CDH13: variants seen among roughly 807,000 people sequenced by gnomAD.
The protein encoded by CDH13 is cadherin 13.
A neutral mutation model predicts 63.8 loss-of-function variants in CDH13; 24 were observed. The ratio of observed to expected loss-of-function variants is 0.38; its 90% CI spans 0.27 to 0.53. CDH13 has a LOEUF of 0.53. Ranked by LOEUF, CDH13 falls within the 20% of genes least tolerant of loss-of-function variation. CDH13 has a pLI of 0.85. For missense variants in CDH13, 1,049 were observed against 903.1 expected, an observed-to-expected ratio of 1.16 and a Z score of -2.07; for synonymous variants, 503 against 355.3, an observed-to-expected ratio of 1.42 and a Z score of -4.67.
chr16:83,441,263 G>C (rs957043574), intron 6 of CDH13, among the ~76,000 whole-genome samples: 9 of 152,062 alleles, frequency 5.9e-5, no homozygotes, highest in Non-Finnish European at 1.2e-4. Flanking sequence ...GTACCACTCT[G>C]GTAATGAAAT....
intron 6 of CDH13, among the ~76,000 whole-genome samples, chr16:83,473,278 A>C (rs2073509786): frequency 6.6e-6 from 1 of 152,248 alleles, no homozygotes; most frequent in African/African-American, 2.4e-5. Flanking sequence ...AGCTTGCAAC[A>C]TCACCATGTT....
At chr16:82,806,077 C>CT (rs2037123654) in intron 1 of CDH13, among the ~76,000 whole-genome samples, 1 of 152,130 alleles carries the variant, frequency 6.6e-6, no homozygotes, top group Non-Finnish European at 1.5e-5. Flanking sequence ...CCCATCTGGT[C>CT]TTCATTTGTT....
chr16:83,189,664 G>T (rs2038636451), intron 4 of CDH13, among the ~76,000 whole-genome samples: 1 of 152,138 alleles, frequency 6.6e-6, no homozygotes. Flanking sequence ...ATCTTCTCCT[G>T]CCACAGACAC....
intron 4 of CDH13, among the ~76,000 whole-genome samples, chr16:83,211,618 TTG>T (rs931495807): frequency 4.4e-4 from 67 of 152,284 alleles, no homozygotes; most frequent in Middle Eastern, 3.4e-3. Context: ...TTTGTCCATA[TTG>T]TGTCACATCT....
intron 11 of CDH13, among the ~76,000 whole-genome samples, chr16:83,777,903 A>G (rs1008548476): frequency 1.3e-5 from 2 of 152,258 alleles, no homozygotes; most frequent in Admixed American, 6.5e-5. Context: ...CATAGGTTAG[A>G]TTAGTACTGT....
chr16:83,107,082 G>T (rs2034805077), intron 3 of CDH13, among the ~76,000 whole-genome samples: 1 of 152,188 alleles, frequency 6.6e-6, no homozygotes, highest in Non-Finnish European at 1.5e-5. Flanking sequence ...AAGCAGTTGG[G>T]TAGGTGGATT....
intron 3 of CDH13, among the ~76,000 whole-genome samples, chr16:83,072,119 C>A (rs1417997296): frequency 2.0e-5 from 3 of 152,070 alleles, no homozygotes; most frequent in African/African-American, 7.2e-5. Context: ...AAAATTGTTC[C>A]ATCTTTTTGG....
chr16:83,149,763 G>A (rs938205871), intron 4 of CDH13, among the ~76,000 whole-genome samples: 5 of 152,116 alleles, frequency 3.3e-5, no homozygotes, highest in Admixed American at 6.5e-5. Context: ...GCTGGCTCAC[G>A]GCATCTTGCA....
At chr16:83,378,222 C>T (rs1463938180) in intron 6 of CDH13, among the ~76,000 whole-genome samples, 2 of 152,120 alleles carry the variant, frequency 1.3e-5, no homozygotes, top group Non-Finnish European at 1.5e-5. Flanking sequence ...GATATAGATG[C>T]CACATAGATG....
At chr16:83,274,432 C>A (rs1440575010) in intron 5 of CDH13, among the ~76,000 whole-genome samples, 3 of 152,164 alleles carry the variant, frequency 2.0e-5, no homozygotes, top group African/African-American at 7.2e-5. Context: ...CCCTCACCTG[C>A]TAGAGACCCT....
At chr16:82,931,537 T>A (rs1257362464) in intron 2 of CDH13, among the ~76,000 whole-genome samples, 2 of 151,664 alleles carry the variant, frequency 1.3e-5, no homozygotes, top group African/African-American at 4.9e-5. Flanking sequence ...TGATGTTTGT[T>A]AGGAATTAAG....
intron 5 of CDH13, among the ~76,000 whole-genome samples, chr16:83,279,840 T>TG (rs1454047579): frequency 9.1e-6 from 1 of 109,582 alleles, no homozygotes; most frequent in Non-Finnish European, 2.0e-5. Flanking sequence ...GTGAGTCACA[T>TG]GATTTTTTTT....
chr16:83,266,990 T>C (rs568242275), intron 5 of CDH13, among the ~76,000 whole-genome samples: 1 of 152,234 alleles, frequency 6.6e-6, no homozygotes, highest in Non-Finnish European at 1.5e-5. Flanking sequence ...TTATGACTGT[T>C]GTTGCCCCAG....
At chr16:82,701,776 T>C (rs1382378234) in intron 1 of CDH13, among the ~76,000 whole-genome samples, 2 of 152,172 alleles carry the variant, frequency 1.3e-5, no homozygotes, top group African/African-American at 2.4e-5. Context: ...TTATTGGCTC[T>C]TAACATGTCA....
chr16:83,399,673 G>T (rs1017709605), intron 6 of CDH13, among the ~76,000 whole-genome samples: 2 of 152,148 alleles, frequency 1.3e-5, no homozygotes, highest in Non-Finnish European at 2.9e-5. Flanking sequence ...CTCCTTGTTC[G>T]CTGGGAATCT....
At chr16:83,486,441 A>G (rs750343657) in intron 6 of CDH13, 36 bp from the exon 7 acceptor site, 1 of 1,589,698 alleles carries the variant, frequency 6.3e-7, no homozygotes, top group Non-Finnish European at 8.6e-7. Flanking sequence ...TGACCCATTG[A>G]TAACCATTCC....
chr16:83,626,025 T>TTTC (rs1337618518), intron 8 of CDH13, among the ~76,000 whole-genome samples: 1 of 151,684 alleles, frequency 6.6e-6, no homozygotes, highest in East Asian at 1.9e-4. Context: ...TTTTTTTTTT[T>TTTC]TTCAAAGCAG....
intron 8 of CDH13, among the ~76,000 whole-genome samples, chr16:83,621,373 G>A (rs1193767544): frequency 6.6e-6 from 1 of 150,834 alleles, no homozygotes; most frequent in Non-Finnish European, 1.5e-5. Context: ...TGTGCACCAA[G>A]GGTTTGCTGA....
chr16:83,474,269 C>A (rs553060050), intron 6 of CDH13, among the ~76,000 whole-genome samples: 3 of 152,190 alleles, frequency 2.0e-5, no homozygotes, highest in Non-Finnish European at 4.4e-5. Context: ...GCCAACTTTA[C>A]ACAGTCATAG....
Sources: allele counts gnomAD v4.1 joint callset (sites outside exome capture counted in the v4.1 genomes callset), GRCh38; gene constraint gnomAD v4.1.1; transcripts MANE v1.5; gene names NCBI Gene and HGNC (gene_info 2026-07-23, HGNC 2026-07-21).